Variants in LRPPRC observed in about 807,000 individuals in gnomAD.
LRPPRC encodes leucine-rich PPR motif-containing protein, mitochondrial.
Under a neutral mutation model 180.3 loss-of-function variants are expected in LRPPRC, and 120 were observed. The ratio of observed to expected loss-of-function variants is 0.67; its 90% confidence interval spans 0.57 to 0.77. The LOEUF (loss-of-function observed/expected upper bound fraction) is 0.77. Ranked by LOEUF, LRPPRC falls within the 30% of genes least tolerant of loss-of-function variation. The pLI, the probability that LRPPRC is intolerant of heterozygous loss-of-function variation, is 0.00. For missense variants in LRPPRC, 2,012 were observed against 1,657.2 expected, an observed-to-expected ratio of 1.21 and a Z score of -3.72; for synonymous variants, 723 against 600.0, an observed-to-expected ratio of 1.21 and a Z score of -3.00.
intron 36 of LRPPRC, among the ~76,000 whole-genome samples, chr2:43,892,202 C>CA (rs374084291): frequency 2.0e-5 from 3 of 152,332 alleles, no homozygotes; most frequent in African/African-American, 7.2e-5. Flanking sequence ...CACTAAACAA[C>CA]AGATACTCCA....
intron 11 of LRPPRC, among the ~76,000 whole-genome samples, chr2:43,969,269 G>A (rs1335004605): frequency 2.0e-5 from 3 of 152,052 alleles, no homozygotes; most frequent in African/African-American, 2.4e-5. Flanking sequence ...AAGATTAGCC[G>A]GGCGTGGTGG....
chr2:43,974,907 TC>T, intron 7 of LRPPRC, 149 bp from the exon 8 acceptor site: 1 of 954,366 alleles, frequency 1.0e-6, no homozygotes, highest in Non-Finnish European at 1.6e-6. Context: ...ATACTCTACT[TC>T]AACAGTAACT....
intron 1 of LRPPRC, 101 bp from the exon 2 acceptor site, chr2:43,982,535 A>G: frequency 2.4e-6 from 2 of 848,236 alleles, no homozygotes; most frequent in Non-Finnish European, 3.9e-6. Context: ...TTAAACACCT[A>G]AAATCACAGT....
At chr2:43,941,823 T>C (rs1478789548) in intron 23 of LRPPRC, among the ~76,000 whole-genome samples, 1 of 128,330 alleles carries the variant, frequency 7.8e-6, no homozygotes, top group African/African-American at 3.0e-5. Flanking sequence ...GGAGACTGCA[T>C]TAGCAAAGTA....
At chr2:43,958,840 G>C (rs1352487642) in intron 13 of LRPPRC, 3 of 199,458 alleles carry the variant, frequency 1.5e-5, no homozygotes, top group Non-Finnish European at 3.0e-5. Flanking sequence ...GCTCTTCAAA[G>C]ACTTGTAAAT....
intron 34 of LRPPRC, 95 bp from the exon 35 acceptor site, chr2:43,896,803 G>C (rs1670702726): frequency 1.3e-6 from 1 of 792,938 alleles, no homozygotes; most frequent in Non-Finnish European, 2.2e-6. Flanking sequence ...CAATAATACA[G>C]TAGTGTATTA....
At chr2:43,932,123 CAAAAAAAAAAAAAAAA>C (rs746600862) in intron 25 of LRPPRC, among the ~76,000 whole-genome samples, 3 of 20,846 alleles carry the variant, frequency 1.4e-4, no homozygotes, top group East Asian at 2.1e-3. Context: ...GACCCTGTCT[CAAAAAAAAAAAAAAAA>C]AAAAAAAAAA....
rs552686492 is a variant in LRPPRC, at chr2:43,975,237, A to T, written c.738-20T>A. 6.2e-7 allele frequency: 1 copy of T among 1,607,904 alleles called. No homozygotes were observed. The highest frequency in any genetic ancestry group is 2.2e-5 in the East Asian group (1 of 44,778). On this transcript the variant is annotated intron_variant, in intron 6 of 37. Coordinates refer to ENST00000260665, the MANE Select transcript of LRPPRC (RefSeq NM_133259.4). ...ATATCACTACAAGTTAATTCAAAAA[A>T]CAGATTATTATGCTTTTGCCAAATT...
chr2:43,948,663 G>C (rs941381538), intron 16 of LRPPRC, 145 bp from the exon 17 acceptor site: 2 of 670,074 alleles, frequency 3.0e-6, no homozygotes, highest in Non-Finnish European at 5.5e-6. Context: ...CTGAGGCATA[G>C]AGATTATGTG....
chr2:43,935,771 A>G (rs756105617), intron 23 of LRPPRC, among the ~76,000 whole-genome samples: 2 of 152,194 alleles, frequency 1.3e-5, no homozygotes, highest in Non-Finnish European at 2.9e-5. Flanking sequence ...TTCACAGGTA[A>G]TATAAAAAAA....
chr2:43,993,411 T>C (rs1349200779), intron 1 of LRPPRC, among the ~76,000 whole-genome samples: 1 of 152,052 alleles, frequency 6.6e-6, no homozygotes, highest in Non-Finnish European at 1.5e-5. Flanking sequence ...AATAAAAAAA[T>C]CAATAAGATA....
At position 43,974,658 on chromosome 2, in the gene LRPPRC, G is replaced by A. The variant is rs1673969300; in HGVS notation, c.965C>T (p.Ser322Leu). 1.2e-6 allele frequency: 2 copies of A among 1,610,250 alleles called. No homozygotes were observed. Among genetic ancestry groups the A allele is most frequent in the Non-Finnish European group, 1.7e-6 (2 of 1,176,798 alleles). ...FSKAGYPQYV[S>L]EILEKVTCER... ...ACATGTAACTTTTTCCAAAATTTCTGAGACATACTGAGGATACCCAGCTTT... is the reference window on the plus strand; with the variant it reads ...ACATGTAACTTTTTCCAAAATTTCTAAGACATACTGAGGATACCCAGCTTT... The change falls in exon 8 of 38, where the codon TCA (serine) becomes TTA (leucine). Residue 322 changes from serine (S) to leucine (L), a missense_variant. Coordinates refer to ENST00000260665, the MANE Select transcript of LRPPRC (RefSeq NM_133259.4).
chr2:43,894,387 GAGTT>G (rs1234356488), intron 36 of LRPPRC, among the ~76,000 whole-genome samples, 154 bp downstream of exon 36: 1 of 152,150 alleles, frequency 6.6e-6, no homozygotes, highest in African/African-American at 2.4e-5. Flanking sequence ...TTCCAGAACT[GAGTT>G]ATTTATATCA....
chr2:43,970,041 A>C (rs1673735813), intron 11 of LRPPRC, among the ~76,000 whole-genome samples: 1 of 152,166 alleles, frequency 6.6e-6, no homozygotes, highest in Non-Finnish European at 1.5e-5. Context: ...TACTGTAATA[A>C]TACATAATCC....
chr2:43,922,369 T>G (rs1176448739), intron 27 of LRPPRC, among the ~76,000 whole-genome samples: 1 of 152,224 alleles, frequency 6.6e-6, no homozygotes, highest in Non-Finnish European at 1.5e-5. Context: ...GTATTAAGTA[T>G]GTGAAAGGAA....
In LRPPRC at chr2:43,935,774, T is replaced by A. The variant is rs117737954; in HGVS notation, c.2505-896A>T. On this transcript the variant is annotated intron_variant, in intron 23 of 37. Coordinates refer to ENST00000260665, the MANE Select transcript of LRPPRC (RefSeq NM_133259.4). ...ACTGAAATAAAATTCACAGGTAATATAAAAAAAATAAAATAAAAGGACAAT... is the reference window on the plus strand; with the variant it reads ...ACTGAAATAAAATTCACAGGTAATAAAAAAAAAATAAAATAAAAGGACAAT... Among the ~76,000 whole-genome samples the A allele has an allele frequency of 5.8e-3, 878 of 151,918 alleles. 64 individuals are homozygous for A. In the East Asian group the frequency reaches 0.15, roughly 26 times the overall value.
intron 2 of LRPPRC, among the ~76,000 whole-genome samples, chr2:43,980,446 G>A (rs1674251269): frequency 1.3e-5 from 2 of 151,756 alleles, no homozygotes; most frequent in Non-Finnish European, 2.9e-5. Flanking sequence ...CTAGCTACTC[G>A]GGAGGCTGAG....
chr2:43,947,319 CT>C lies in LRPPRC; in HGVS notation c.2016del (p.Ala673LeufsTer6). 6.2e-7 allele frequency: 1 copy of C among 1,608,088 alleles called. No individual in the cohort carries two copies. The highest frequency in any genetic ancestry group is 8.5e-7 in the Non-Finnish European group (1 of 1,175,438). On this transcript the variant is annotated frameshift_variant, in exon 20 of 38. Coordinates refer to ENST00000260665, the MANE Select transcript of LRPPRC (RefSeq NM_133259.4). LOFTEE classifies it high-confidence loss of function. ...ACATCTCTTATAGGTTGATTTTCAG[CT>C]TTTAGTGTTTCAAGTGTGGACTCCA... ...SELESTLETL[K>X]AENQPIRDVL...
At chr2:43,971,018 T>A (rs1016814269) in intron 11 of LRPPRC, among the ~76,000 whole-genome samples, 1 of 151,786 alleles carries the variant, frequency 6.6e-6, no homozygotes, top group African/African-American at 2.4e-5. Flanking sequence ...GAGAATTGCT[T>A]GAACCTGGGA....
Sources: gnomAD v4.1 joint callset for allele counts (sites outside exome capture counted in the v4.1 genomes callset) on GRCh38, gnomAD v4.1.1 for gene constraint, MANE v1.5 for transcripts, NCBI Gene and HGNC (gene_info 2026-07-23, HGNC 2026-07-21) for gene names.